Variants in TRIM29 observed in about 807,000 individuals in gnomAD.
The protein encoded by TRIM29 is tripartite motif-containing protein 29.
Under a neutral mutation model 57.3 loss-of-function variants are expected in TRIM29, and 52 were observed. That is an observed-to-expected ratio of 0.91 (90% confidence interval 0.73 to 1.14). TRIM29 has a LOEUF of 1.14. Among genes scored for constraint, TRIM29 ranks in the 50% most tolerant of loss-of-function variants. TRIM29 has a pLI of 0.00. For missense variants in TRIM29, 753 were observed against 774.6 expected (o/e 0.97, Z 0.33); for synonymous variants, 319 against 316.9 (o/e 1.01, Z -0.07).
At chr11:120,134,232 T>A (rs1388035524) in intron 1 of TRIM29, among the ~76,000 whole-genome samples, 2 of 152,178 alleles carry the variant, frequency 1.3e-5, no homozygotes, top group South Asian at 2.1e-4. Flanking sequence ...GCGATCTTTT[T>A]CTAACAGAGA....
At chr11:120,123,822 G>A in intron 4 of TRIM29, 1 of 292,136 alleles carries the variant, frequency 3.4e-6, no homozygotes, top group Non-Finnish European at 6.6e-6. Context: ...GTGTCCTGGT[G>A]CACAGCAGAT....
At chr11:120,130,751 G>T (rs1012517191) in intron 1 of TRIM29, among the ~76,000 whole-genome samples, 3 of 152,212 alleles carry the variant, frequency 2.0e-5, no homozygotes, top group African/African-American at 7.2e-5. Flanking sequence ...TGGACCAGGG[G>T]CCAGGCTGGG....
intron 2 of TRIM29, among the ~76,000 whole-genome samples, chr11:120,127,851 A>G (rs968500149): frequency 7.2e-5 from 11 of 152,126 alleles, no homozygotes; most frequent in African/African-American, 9.7e-5. Flanking sequence ...GTGGGCCCCA[A>G]AGTTCTCCCA....
At chr11:120,113,120 G>A (rs1002722727) in intron 8 of TRIM29, among the ~76,000 whole-genome samples, 4 of 152,064 alleles carry the variant, frequency 2.6e-5, no homozygotes, top group Non-Finnish European at 4.4e-5. Flanking sequence ...TTCCCTTACA[G>A]AAAGGGTGCA....
At chr11:120,117,887 G>A in intron 7 of TRIM29, 1 of 324,426 alleles carries the variant, frequency 3.1e-6, no homozygotes. Flanking sequence ...AATAAACTCT[G>A]CAGTAGGAGA....
At chr11:120,126,616 C>T (rs1168448459) in intron 3 of TRIM29, among the ~76,000 whole-genome samples, 2 of 152,146 alleles carry the variant, frequency 1.3e-5, no homozygotes, top group Non-Finnish European at 2.9e-5. Flanking sequence ...TTACTCCTCA[C>T]CGAAGACTCT....
intron 5 of TRIM29, among the ~76,000 whole-genome samples, chr11:120,121,106 T>C (rs2134997269): frequency 6.6e-6 from 1 of 152,170 alleles, no homozygotes; most frequent in South Asian, 2.1e-4. Flanking sequence ...TGGGGACTGA[T>C]ACCACCACCG....
At chr11:120,136,103 A>G (rs1316537308) in intron 1 of TRIM29, among the ~76,000 whole-genome samples, 1 of 152,232 alleles carries the variant, frequency 6.6e-6, no homozygotes, top group Non-Finnish European at 1.5e-5. Flanking sequence ...CTTACGTATC[A>G]CATATATGAA....
At chr11:120,129,004 T>C in intron 1 of TRIM29, 1 of 1,054,644 alleles carries the variant, frequency 9.5e-7, no homozygotes, top group East Asian at 4.5e-5. Flanking sequence ...GGACTCCGTC[T>C]GGGCAGGCAC....
intron 1 of TRIM29, among the ~76,000 whole-genome samples, chr11:120,136,617 G>A (rs1863818516): frequency 6.6e-6 from 1 of 152,106 alleles, no homozygotes; most frequent in Admixed American, 6.5e-5. Context: ...GAGACCAGCT[G>A]GGGATCAGCT....
chr11:120,125,048 ATGT>A (rs1437246970), intron 4 of TRIM29: 1 of 152,556 alleles, frequency 6.6e-6, no homozygotes, highest in African/African-American at 2.4e-5. Flanking sequence ...GGACTTGACG[ATGT>A]TGTTTCTCAG....
intron 8 of TRIM29, 152 bp downstream of exon 8, chr11:120,115,186 C>A: frequency 5.5e-6 from 4 of 724,618 alleles, no homozygotes; most frequent in Non-Finnish European, 7.1e-6. Flanking sequence ...CTGCTGTGTA[C>A]AGGTATTCAG....
chr11:120,127,245 GT>G, intron 3 of TRIM29, 90 bp downstream of exon 3: 1 of 1,092,986 alleles, frequency 9.1e-7, no homozygotes, highest in Admixed American at 1.9e-5. Flanking sequence ...AGGTGGATAA[GT>G]GGATAGGTGG....
intron 1 of TRIM29, chr11:120,128,821 G>A: frequency 6.6e-7 from 1 of 1,522,568 alleles, no homozygotes; most frequent in Non-Finnish European, 8.8e-7. Flanking sequence ...CATTTACAGG[G>A]TGCTTGCCCT....
chr11:120,135,344 G>C (rs983808167), intron 1 of TRIM29, among the ~76,000 whole-genome samples: 3 of 152,150 alleles, frequency 2.0e-5, no homozygotes, highest in Admixed American at 6.5e-5. Flanking sequence ...CCAGGGCTCT[G>C]TGGGGTAATT....
intron 4 of TRIM29, chr11:120,123,890 G>A: frequency 4.6e-6 from 1 of 217,480 alleles, no homozygotes; most frequent in African/African-American, 2.3e-5. Flanking sequence ...GCCCCACAGA[G>A]TCCAGGATGA....
chr11:120,122,953 C>A lies in TRIM29; in HGVS notation c.1435+1G>T. 2 of 1,613,846 alleles carry A rather than the reference C, an allele frequency of 1.2e-6. No individual in the cohort carries two copies. The highest frequency in any genetic ancestry group is 3.3e-4 in the Middle Eastern group (2 of 6,024). ...GTCTGGGGTGAGGGGCTCCCTCTTA[C>A]CTTTGGGTGTCAGGTACATGGAGTA... On this transcript the variant is annotated splice_donor_variant, in intron 5 of 8. Transcript: ENST00000341846. LOFTEE classifies it high-confidence loss of function.
At chr11:120,122,886 G>T in intron 5 of TRIM29, 68 bp downstream of exon 5, 2 of 1,319,408 alleles carry the variant, frequency 1.5e-6, no homozygotes, top group Middle Eastern at 2.2e-4. Flanking sequence ...GAGAGTCACT[G>T]CACGGACTTT....
rs1037683833 is a variant in TRIM29 at position 120,129,024 on chromosome 11, A to G, written c.805-529T>C. On this transcript the variant is annotated intron_variant, in intron 1 of 8. Coordinates refer to ENST00000341846, the MANE Select transcript of TRIM29 (RefSeq NM_012101.4). ...CCGTCTGGGCAGGCACAGCTATAAA[A>G]CCTGTTTATGGGAAAGGGAAGGCAT... is the stretch of plus-strand genomic sequence containing the variant. 4 of 834,736 alleles carry G rather than the reference A, an allele frequency of 4.8e-6. No homozygotes were observed. The African/African-American group carries it at 7.1e-5, about 15-fold the overall frequency. 51.7% of individuals were successfully genotyped at this position (834,736 alleles called of 1,614,324 possible).
Sources: allele counts gnomAD v4.1 joint callset (sites outside exome capture counted in the v4.1 genomes callset), GRCh38; gene constraint gnomAD v4.1.1; transcripts MANE v1.5; gene names NCBI Gene and HGNC (gene_info 2026-07-23, HGNC 2026-07-21).